The following CACNA1C variants were observed in gnomAD, a reference collection of about 807,000 sequenced individuals.
CACNA1C encodes the protein calcium voltage-gated channel subunit alpha1 C.
In CACNA1C, 30 loss-of-function variants were observed where a neutral mutation model predicts 229.0. The ratio of observed to expected loss-of-function variants is 0.13; its 90% CI spans 0.10 to 0.18. The LOEUF is 0.18. Ranked by LOEUF, CACNA1C falls within the 10% of genes least tolerant of loss-of-function variation. The probability of loss-of-function intolerance (pLI) is 1.00; values close to 1 mark genes in which losing one functional copy is unlikely to be tolerated. For missense variants in CACNA1C, 1,658 were observed against 2,845.0 expected, an observed-to-expected ratio of 0.58 and a Z score of 9.49; for synonymous variants, 1,114 against 1,132.5, an observed-to-expected ratio of 0.98 and a Z score of 0.33.
intron 8 of CACNA1C, among the ~76,000 whole-genome samples, chr12:2,508,525 C>T (rs970806388): frequency 3.3e-5 from 5 of 152,212 alleles, no homozygotes; most frequent in Admixed American, 6.5e-5. Context: ...TTGGTGGCAG[C>T]ACCTATAGTC....
At chr12:2,231,413 C>T (rs1330006738) in intron 3 of CACNA1C, among the ~76,000 whole-genome samples, 1 of 152,188 alleles carries the variant, frequency 6.6e-6, no homozygotes, top group Non-Finnish European at 1.5e-5. Context: ...ACAGTTACAG[C>T]TGCATAATGT....
In CACNA1C at chr12:2,340,906, G is replaced by A. The variant is rs530417045; in HGVS notation, c.478-108070G>A. On this transcript the variant is annotated intron_variant, in intron 3 of 46. Coordinates refer to ENST00000399655, the MANE Select transcript of CACNA1C (RefSeq NM_000719.7). ...TGGGAGGCAGAGCTTGCAGTGAGCC[G>A]AGATTGTGCCACTGCACCCCAGCCT... 1.0e-3 allele frequency among the ~76,000 whole-genome samples: 151 copies of A among 151,750 alleles called. 1 individual carries two copies. The highest frequency in any genetic ancestry group is 3.3e-3 in the African/African-American group (134 of 41,142).
At chr12:2,456,680 A>C (rs928635339) in intron 4 of CACNA1C, among the ~76,000 whole-genome samples, 2 of 152,194 alleles carry the variant, frequency 1.3e-5, no homozygotes, top group African/African-American at 4.8e-5. Flanking sequence ...TGTCACCTGC[A>C]GGGAGTTCTT....
intron 18 of CACNA1C, among the ~76,000 whole-genome samples, chr12:2,588,276 G>T (rs1266474128): frequency 6.6e-6 from 1 of 152,230 alleles, no homozygotes; most frequent in Non-Finnish European, 1.5e-5. Flanking sequence ...CAGGCCGCTG[G>T]CCCCTGCCAT....
At chr12:2,412,061 C>T (rs1037971794) in intron 3 of CACNA1C, among the ~76,000 whole-genome samples, 3 of 152,022 alleles carry the variant, frequency 2.0e-5, no homozygotes, top group African/African-American at 7.3e-5. Context: ...GCTCCCCACG[C>T]CCAAGCCCCC....
rs527395182 is a variant in CACNA1C at position 2,346,766 on chromosome 12, T to C, written c.478-102210T>C. Among the ~76,000 whole-genome samples, 21 of 152,322 alleles carry C rather than the reference T, an allele frequency of 1.4e-4. No homozygotes were observed. Among genetic ancestry groups the C allele is most frequent in the African/African-American group, 5.1e-4 (21 of 41,568 alleles). ...ACGTGACTTGGACATTAAAACTTGA[T>C]TTTGCATCCAGCTCATGATAAGCAT... On this transcript the variant is annotated intron_variant, in intron 3 of 46. Coordinates refer to ENST00000399655, the MANE Select transcript of CACNA1C (RefSeq NM_000719.7). This position sits in a 1 kb window ranked among gnomAD's most constrained non-coding sequence, Gnocchi z 4.4.
intron 1 of CACNA1C, among the ~76,000 whole-genome samples, chr12:1,975,406 T>C (rs965626545): frequency 1.3e-5 from 2 of 152,162 alleles, no homozygotes; most frequent in Non-Finnish European, 2.9e-5. Flanking sequence ...ATTTACTAAA[T>C]GATTTTTGGA....
At chr12:2,062,962 GT>G (rs1207714893) in intron 1 of CACNA1C, among the ~76,000 whole-genome samples, 1 of 152,022 alleles carries the variant, frequency 6.6e-6, no homozygotes, top group African/African-American at 2.4e-5. Context: ...TTCGCATACC[GT>G]AAAATTTACC....
intron 1 of CACNA1C, chr12:2,004,376 G>A (rs1376657414): frequency 6.2e-7 from 1 of 1,612,906 alleles, no homozygotes; most frequent in South Asian, 1.1e-5. Context: ...CTGCAGGGCC[G>A]CTAGGCTGAT....
At chr12:2,191,199 G>A (rs914970118) in intron 3 of CACNA1C, among the ~76,000 whole-genome samples, 6 of 152,162 alleles carry the variant, frequency 3.9e-5, no homozygotes, top group African/African-American at 1.4e-4. Context: ...GGGTCCAGGA[G>A]AGCAGGGGCA....
intron 1 of CACNA1C, among the ~76,000 whole-genome samples, chr12:2,055,894 G>A (rs971582963): frequency 1.3e-5 from 2 of 152,168 alleles, no homozygotes; most frequent in African/African-American, 4.8e-5. Context: ...GGAGGGTGGT[G>A]GAGGTGGGAA....
intron 1 of CACNA1C, among the ~76,000 whole-genome samples, chr12:2,086,970 T>C (rs2067946507): frequency 2.0e-5 from 3 of 152,174 alleles, no homozygotes; most frequent in Non-Finnish European, 4.4e-5. Context: ...CATTCTTAGA[T>C]TCTGGACCTC....
rs1342946649 is a variant in CACNA1C, at chr12:2,664,863, C to A, written c.4271C>A (p.Ala1424Asp). 2 of 1,610,676 alleles carry A rather than the reference C, an allele frequency of 1.2e-6. No homozygotes were observed. The highest frequency in any genetic ancestry group is 1.7e-5 in the Admixed American group (1 of 59,520). ...TGEAWQDIML[A>D]CMPGKKCAPE... Reference sequence around the variant, plus strand: ...GAGGCCTGGCAGGACATCATGCTGGCCTGCATGCCAGGCAAGAAGTGTGCC... The same window carrying A: ...GAGGCCTGGCAGGACATCATGCTGGACTGCATGCCAGGCAAGAAGTGTGCC... The change falls in exon 35 of 47, where the codon GCC becomes GAC. Residue 1424 changes from alanine (A) to aspartate (D), a missense_variant. By Grantham distance (126) the Ala-to-Asp change is moderately radical. Coordinates refer to ENST00000399655, the MANE Select transcript of CACNA1C (RefSeq NM_000719.7).
At chr12:2,187,291 G>A (rs1044551591) in intron 3 of CACNA1C, among the ~76,000 whole-genome samples, 3 of 152,122 alleles carry the variant, frequency 2.0e-5, no homozygotes, top group African/African-American at 2.4e-5. Flanking sequence ...GTCGAGGCTC[G>A]GAGTTCTAAT....
intron 3 of CACNA1C, among the ~76,000 whole-genome samples, chr12:2,427,654 G>A (rs1045004297): frequency 2.0e-5 from 3 of 151,892 alleles, no homozygotes; most frequent in Admixed American, 6.6e-5. Flanking sequence ...GGAGTTTCAC[G>A]CTTGTCACCC....
At chr12:2,159,065 G>A (rs2095697247) in intron 3 of CACNA1C, among the ~76,000 whole-genome samples, 1 of 152,094 alleles carries the variant, frequency 6.6e-6, no homozygotes, top group Non-Finnish European at 1.5e-5. Flanking sequence ...TAAAAATATG[G>A]AATGGAATAC....
At chr12:2,373,273 A>C (rs920572804) in intron 3 of CACNA1C, among the ~76,000 whole-genome samples, 1 of 152,200 alleles carries the variant, frequency 6.6e-6, no homozygotes, top group African/African-American at 2.4e-5. Flanking sequence ...GAGCTTCTCC[A>C]TGTGGCAGGC....
rs886949899 is a variant in CACNA1C, at chr12:2,488,132, A to G, written c.916+1870A>G. On this transcript the variant is annotated intron_variant, in intron 6 of 46. Transcript: ENST00000399655. This position sits in a 1 kb window ranked among gnomAD's most constrained non-coding sequence, Gnocchi z 4.0. ...CCAAAGATGGCGGCCCTGCTGTGCA[A>G]TCAGAGGTCTGTGCACCACAGAGTA... Among the ~76,000 whole-genome samples, 2 of 152,242 alleles carry G rather than the reference A, an allele frequency of 1.3e-5. No individual in the cohort carries two copies. Among genetic ancestry groups the G allele is most frequent in the African/African-American group, 2.4e-5 (1 of 41,460 alleles).
chr12:2,250,062 C>G (rs936812370), intron 3 of CACNA1C, among the ~76,000 whole-genome samples: 1 of 152,116 alleles, frequency 6.6e-6, no homozygotes, highest in African/African-American at 2.4e-5. Flanking sequence ...CCTGCCTCGG[C>G]CTCCCAGAGT....
Sources: gnomAD v4.1 joint callset for allele counts (sites outside exome capture counted in the v4.1 genomes callset) on GRCh38, gnomAD v4.1.1 for gene constraint, Gnocchi (gnomAD v3.1) non-coding constraint, MANE v1.5 for transcripts, NCBI Gene and HGNC (gene_info 2026-07-23, HGNC 2026-07-21) for gene names.